The following TFAP2D variants were observed in gnomAD, a reference collection of about 807,000 sequenced individuals.
TFAP2D encodes transcription factor AP-2-delta.
A neutral mutation model predicts 43.6 loss-of-function variants in TFAP2D; 9 were observed. The observed-to-expected ratio is 0.21, with a 90% CI of 0.12 to 0.36. The LOEUF (loss-of-function observed/expected upper bound fraction) is 0.36, where lower values mean the gene tolerates loss of function less well. Ranked by LOEUF, TFAP2D falls within the 10% of genes least tolerant of loss-of-function variation. The pLI, the probability that TFAP2D is intolerant of heterozygous loss-of-function variation, is 1.00. For synonymous variants in TFAP2D, 256 were observed against 224.9 expected, an observed-to-expected ratio of 1.14 and a Z score of -1.24; for missense variants, 513 against 561.4, an observed-to-expected ratio of 0.91 and a Z score of 0.87.
chr6:50,759,046 C>G (rs1380517931), intron 7 of TFAP2D, among the ~76,000 whole-genome samples: 2 of 151,878 alleles, frequency 1.3e-5, no homozygotes, highest in Admixed American at 1.3e-4. Context: ...ACATAAGAGA[C>G]TAGTGGTTAA....
In TFAP2D at chr6:50,772,903, C is replaced by A. The variant is rs1187360284; in HGVS notation, c.*39C>A. The A allele has an allele frequency of 6.4e-6, 10 of 1,550,714 alleles. No individual in the cohort carries two copies. The highest frequency in any genetic ancestry group is 7.9e-6 in the Non-Finnish European group (9 of 1,143,162). ...AATCTATTTCCAGAGAGTCTTGCTG[C>A]TGATATTTTTTCTAATATATATATC... On this transcript the variant is annotated 3_prime_UTR_variant, in exon 8 of 8. Coordinates refer to ENST00000008391, the MANE Select transcript of TFAP2D (RefSeq NM_172238.4).
At chr6:50,769,253 T>C (rs1769490687) in intron 7 of TFAP2D, among the ~76,000 whole-genome samples, 1 of 152,162 alleles carries the variant, frequency 6.6e-6, no homozygotes, top group African/African-American at 2.4e-5. Context: ...AATAACACCA[T>C]AAAGATGTTA....
intron 6 of TFAP2D, among the ~76,000 whole-genome samples, chr6:50,749,813 G>T (rs999358717): frequency 6.6e-6 from 1 of 151,912 alleles, no homozygotes; most frequent in Non-Finnish European, 1.5e-5. Context: ...TTAAAAGCAT[G>T]TATTCAGATG....
chr6:50,741,316 T>C (rs1170232280), intron 5 of TFAP2D, among the ~76,000 whole-genome samples: 2 of 152,122 alleles, frequency 1.3e-5, no homozygotes, highest in Non-Finnish European at 2.9e-5. Context: ...AGTTCAGGGG[T>C]ACAAATGCAA....
chr6:50,728,155 A>T (rs1354481660), intron 3 of TFAP2D, among the ~76,000 whole-genome samples: 1 of 152,212 alleles, frequency 6.6e-6, no homozygotes, highest in Non-Finnish European at 1.5e-5. Context: ...TACAATTTAC[A>T]TTTACAATGA....
At chr6:50,742,256 A>C (rs1000010139) in intron 5 of TFAP2D, among the ~76,000 whole-genome samples, 2 of 152,088 alleles carry the variant, frequency 1.3e-5, no homozygotes, top group Non-Finnish European at 2.9e-5. Flanking sequence ...TAGCATTGCT[A>C]TACATCCTGT....
chr6:50,751,284 A>T lies in TFAP2D; in HGVS notation c.1099A>T (p.Ile367Phe), dbSNP rs772704004. The change falls in exon 7 of 8, where the codon ATT becomes TTT. Residue 367 changes from isoleucine to phenylalanine, a missense_variant. Around this residue, in one of 3 missense-constraint regions of TFAP2D, gnomAD observed 199 missense variants for 227.9 expected, o/e 0.87. Coordinates refer to ENST00000008391, the MANE Select transcript of TFAP2D (RefSeq NM_172238.4). ...SPLGSSRPTP[I>F]LDLDIQRHLT... ...ACTGGGATCCTCCAGACCCACTCCA[A>T]TTCTAGACCTTGACATCCAGAGACA... 1 of 1,611,612 alleles carries T rather than the reference A, an allele frequency of 6.2e-7. No homozygotes were observed.
chr6:50,757,628 GAATATATATAAT>G (rs1769297102), intron 7 of TFAP2D, among the ~76,000 whole-genome samples: 1 of 50,282 alleles, frequency 2.0e-5, no homozygotes, highest in Non-Finnish European at 3.5e-5. Flanking sequence ...TATATATATA[GAATATATATAAT>G]TATTCTATAT....
At chr6:50,714,134 T>C (rs1264407983) in intron 1 of TFAP2D, 40 bp downstream of exon 1, 8 of 1,511,736 alleles carry the variant, frequency 5.3e-6, no homozygotes, top group South Asian at 1.2e-5. Context: ...TGAGCGCGCG[T>C]GTGTGTGGCG....
At chr6:50,716,070 G>T (rs773298339) in intron 2 of TFAP2D, among the ~76,000 whole-genome samples, 1 of 152,100 alleles carries the variant, frequency 6.6e-6, no homozygotes. Flanking sequence ...CTTCCGAGGC[G>T]TCCCAGGTGT....
chr6:50,713,906 C>G lies in TFAP2D; in HGVS notation c.-150C>G, dbSNP rs1219055106. 3.2e-6 allele frequency: 4 copies of G among 1,232,268 alleles called. No individual in the cohort carries two copies. In the Admixed American group the frequency reaches 8.6e-5, roughly 26 times the overall value. The allele number at this position is 1,232,268 out of a possible 1,614,324, so 76.3% of individuals were successfully genotyped here. On this transcript the variant is annotated 5_prime_UTR_variant, in exon 1 of 8. It adds an upstream start codon to the 5' untranslated region. Coordinates refer to ENST00000008391, the MANE Select transcript of TFAP2D (RefSeq NM_172238.4). The stretch of plus-strand genomic sequence containing the variant: ...GGTACGAGGCAAGGAGCTATCTGAT[C>G]CGGGCAAAACCATTACAATTTAGAT...
rs761033986 is a variant in TFAP2D at position 50,729,242 on chromosome 6, G to T, written c.813G>T (p.Arg271Ser). Residue 271 changes from arginine (R) to serine (S), a missense_variant, in exon 5 of 8, where the codon AGG (arginine) becomes AGT (serine). Coordinates refer to ENST00000008391, the MANE Select transcript of TFAP2D (RefSeq NM_172238.4). ...GGRCLREKLD[R>S]LGLNLPAGRR... ...GCTGCCTGAGAGAGAAATTGGATAG[G>T]CTTGGCTTAAACTTACCAGCAGGAA... 2 of 1,613,954 alleles carry T rather than the reference G, an allele frequency of 1.2e-6. No individual in the cohort carries two copies. The highest frequency in any genetic ancestry group is 1.7e-5 in the Admixed American group (1 of 60,008).
chr6:50,757,783 C>CTATATATATAGAATATATATAAT lies in TFAP2D; in HGVS notation c.1139+6493_1139+6515dup, dbSNP rs1250545588. On this transcript the variant is annotated intron_variant, in intron 7 of 7. Transcript: ENST00000008391. ...TATATATAGAATATATATAATTATT[C>CTATATATATAGAATATATATAAT]TATATATATAGAATATATATAATTA... Among the ~76,000 whole-genome samples the CTATATATATAGAATATATATAAT allele has an allele frequency of 3.2e-3, 225 of 71,398 alleles. 3 individuals carry two copies. Among genetic ancestry groups the CTATATATATAGAATATATATAAT allele is most frequent in the South Asian group, 7.6e-3 (18 of 2,384 alleles). 46.8% of individuals were successfully genotyped at this position (71,398 alleles called of 152,430 possible).
At chr6:50,772,579 G>A (rs1286387158) in intron 7 of TFAP2D, 66 bp from the exon 8 acceptor site, 1 of 1,368,804 alleles carries the variant, frequency 7.3e-7, no homozygotes, top group Non-Finnish European at 1.0e-6. Context: ...TATATGGAGA[G>A]ATTTGCTATT....
At chr6:50,771,602 T>C (rs61617435) in intron 7 of TFAP2D, among the ~76,000 whole-genome samples, 1,586 of 152,354 alleles carry the variant, frequency 0.01, 20 homozygotes, top group African/African-American at 0.036. Context: ...AGGTGTGTTT[T>C]CCAGCTACTT....
At position 50,714,059 on chromosome 6, in the gene TFAP2D, T is replaced by C; in HGVS notation, c.4T>C (p.Ser2Pro). 1 of 1,612,644 alleles carries C rather than the reference T, an allele frequency of 6.2e-7. No homozygotes were observed. Among genetic ancestry groups the C allele is most frequent in the South Asian group, 1.1e-5 (1 of 90,834 alleles). MSTTFPGLVHDA... is the reference protein window; with the variant it reads MPTTFPGLVHDA... ...TAAGCTTTCGGAGAAACCCAACATG[T>C]CAACTACCTTTCCGGGACTAGTCCA... Residue 2 changes from serine to proline, a missense_variant, in exon 1 of 8, where the codon TCA (serine) becomes CCA (proline). Physicochemically the swap from Ser to Pro is moderately conservative, Grantham distance 74 (BLOSUM62 -1). Around this residue, in one of 3 missense-constraint regions of TFAP2D, gnomAD observed 311 missense variants for 316.2 expected, o/e 0.98. Transcript: ENST00000008391.
chr6:50,733,083 A>G (rs1269167298), intron 5 of TFAP2D, among the ~76,000 whole-genome samples: 3 of 152,096 alleles, frequency 2.0e-5, no homozygotes. Context: ...AGGATGAAGA[A>G]CTTTAGACTA....
At chr6:50,746,836 C>T (rs1769131284) in intron 6 of TFAP2D, among the ~76,000 whole-genome samples, 1 of 152,022 alleles carries the variant, frequency 6.6e-6, no homozygotes, top group African/African-American at 2.4e-5. Flanking sequence ...ACTGTTTGGA[C>T]TTAGGATTAT....
chr6:50,744,677 G>C (rs1769099251), intron 5 of TFAP2D, among the ~76,000 whole-genome samples: 1 of 152,076 alleles, frequency 6.6e-6, no homozygotes, highest in Non-Finnish European at 1.5e-5. Flanking sequence ...TATTTTAATA[G>C]GTCTCATGGA....
Sources: gnomAD v4.1 joint callset for allele counts (sites outside exome capture counted in the v4.1 genomes callset) on GRCh38, gnomAD v4.1.1 for gene constraint, gnomAD v4.1.1 regional missense constraint, MANE v1.5 for transcripts, NCBI Gene and HGNC (gene_info 2026-07-23, HGNC 2026-07-21) for gene names.